MIER1: variants seen among roughly 807,000 people sequenced by gnomAD.
The protein encoded by MIER1 is mesoderm induction early response protein 1.
In MIER1, 40 loss-of-function variants were observed where a neutral mutation model predicts 75.7. The ratio of observed to expected loss-of-function variants is 0.53; its 90% CI spans 0.41 to 0.69. The LOEUF is 0.69. Among genes scored for constraint, MIER1 ranks in the 30% least tolerant of loss-of-function variants. The pLI, the probability that MIER1 is intolerant of heterozygous loss-of-function variation, is 0.00. For missense variants in MIER1, 574 were observed against 680.2 expected (o/e 0.84, Z 1.74); for synonymous variants, 213 against 223.4 (o/e 0.95, Z 0.42).
intron 4 of MIER1, among the ~76,000 whole-genome samples, chr1:66,951,688 T>G (rs1352431839): frequency 6.6e-6 from 1 of 152,176 alleles, no homozygotes; most frequent in African/African-American, 2.4e-5. Context: ...CATGCCTTTC[T>G]CTCGCCTCAG....
intron 4 of MIER1, among the ~76,000 whole-genome samples, chr1:66,956,324 G>T (rs72673719): frequency 0.039 from 5,985 of 152,230 alleles, 149 homozygotes; most frequent in Non-Finnish European, 0.054. Flanking sequence ...GGGAGGCTGA[G>T]GTGGGAGGAT....
chr1:66,960,206 T>A (rs1413044686), intron 7 of MIER1: 1 of 152,226 alleles, frequency 6.6e-6, no homozygotes, highest in Non-Finnish European at 1.5e-5. Context: ...GGCTTTGATA[T>A]TTGTTAAGTA....
chr1:66,979,763 C>CTTT (rs1223242870), intron 12 of MIER1, among the ~76,000 whole-genome samples: 14 of 138,710 alleles, frequency 1.0e-4, no homozygotes, highest in Non-Finnish European at 4.7e-5. Flanking sequence ...TTTGCCTTGG[C>CTTT]TTTTTTTTTT....
chr1:66,960,782 C>G (rs1188687623), intron 7 of MIER1, among the ~76,000 whole-genome samples: 1 of 152,170 alleles, frequency 6.6e-6, no homozygotes, highest in African/African-American at 2.4e-5. Context: ...ACAAGAATCA[C>G]AAAAGTTAAT....
intron 2 of MIER1, 121 bp downstream of exon 2, chr1:66,926,363 C>T: frequency 2.9e-6 from 2 of 684,126 alleles, no homozygotes; most frequent in Non-Finnish European, 5.1e-6. Context: ...CAAAAATTTC[C>T]AGAATTTGGG....
chr1:66,968,387 T>C (rs1371839724), intron 8 of MIER1, among the ~76,000 whole-genome samples: 1 of 152,218 alleles, frequency 6.6e-6, no homozygotes, highest in Non-Finnish European at 1.5e-5. Flanking sequence ...TGCATTCTTA[T>C]GGAAAACATT....
Position 66,986,269 on chromosome 1 carries a change from G to T in MIER1, c.*1369G>T, listed in dbSNP as rs931445106. 8.4e-6 allele frequency: 12 copies of T among 1,432,774 alleles called. No individual in the cohort carries two copies. Among genetic ancestry groups the T allele is most frequent in the Non-Finnish European group, 8.2e-6 (9 of 1,100,222 alleles). The allele number at this position is 1,432,774 out of a possible 1,614,324, so 88.8% of individuals were successfully genotyped here. A position where few individuals can be genotyped will look rare whatever the true frequency, so the allele number is the denominator to read the frequency against. ...TGATTACAGATAGGATTATCCATCT[G>T]CATAGCCTTGTAAAAGTGCCATTTT... On this transcript the variant is annotated 3_prime_UTR_variant, in exon 14 of 14. Transcript: ENST00000401041.
chr1:66,940,448 A>G (rs540686450), intron 3 of MIER1, among the ~76,000 whole-genome samples: 1 of 151,968 alleles, frequency 6.6e-6, no homozygotes, highest in African/African-American at 2.4e-5. Flanking sequence ...TTGTTAGTGC[A>G]TTACAGAGGG....
chr1:66,954,154 C>G (rs1325430652), intron 4 of MIER1, among the ~76,000 whole-genome samples: 1 of 152,150 alleles, frequency 6.6e-6, no homozygotes. Flanking sequence ...AGGTTCTGAT[C>G]ATAATACAGG....
intron 2 of MIER1, among the ~76,000 whole-genome samples, chr1:66,934,694 C>G (rs992472076): frequency 5.3e-5 from 8 of 151,630 alleles, no homozygotes; most frequent in South Asian, 2.1e-4. Flanking sequence ...TGTTCCCAGT[C>G]CTTATTTTCT....
At chr1:66,931,140 TC>T in intron 2 of MIER1, among the ~76,000 whole-genome samples, 1 of 152,106 alleles carries the variant, frequency 6.6e-6, no homozygotes, top group Non-Finnish European at 1.5e-5. Context: ...AGAAGCTTTT[TC>T]TTGTTTCTTT....
intron 2 of MIER1, among the ~76,000 whole-genome samples, chr1:66,934,363 G>A (rs1654181069): frequency 6.6e-6 from 1 of 151,016 alleles, no homozygotes; most frequent in African/African-American, 2.4e-5. Context: ...CCAGCCTTCT[G>A]TATTCCTAGA....
intron 1 of MIER1, 58 bp from the exon 2 acceptor site, chr1:66,926,084 G>C: frequency 7.5e-7 from 1 of 1,338,496 alleles, no homozygotes; most frequent in Non-Finnish European, 1.1e-6. Context: ...GGTGGATGGT[G>C]AGCTTGTATC....
At chr1:66,955,141 A>T (rs1455284164) in intron 4 of MIER1, among the ~76,000 whole-genome samples, 2 of 152,160 alleles carry the variant, frequency 1.3e-5, no homozygotes, top group Non-Finnish European at 2.9e-5. Context: ...TTTTCCATGT[A>T]GTTAGTATGT....
rs1408062401 is a variant in MIER1, at chr1:66,981,907, C to A, written c.1358C>A (p.Ala453Asp). 2.2e-5 allele frequency: 35 copies of A among 1,613,574 alleles called. No homozygotes were observed. The Admixed American group carries it at 5.7e-4, about 26-fold the overall frequency. ...AAAGAAGATGGCACTGTAAGCACTGCTAATCAAAATGGTAAGCAACCAGAG... is the reference window on the plus strand; with the variant it reads ...AAAGAAGATGGCACTGTAAGCACTGATAATCAAAATGGTAAGCAACCAGAG... The part of the protein sequence containing the change: ...SEKEDGTVST[A>D]NQNGVSSNGP... The change falls in exon 13 of 14, where the codon GCT becomes GAT. Residue 453 changes from alanine (A) to aspartate (D), a missense_variant. Ala to Asp is a moderately radical substitution (Grantham distance 126). Coordinates refer to ENST00000401041, the MANE Select transcript of MIER1 (RefSeq NM_001077700.3).
intron 8 of MIER1, among the ~76,000 whole-genome samples, chr1:66,969,545 CAAAAAAAAAAAAAA>C (rs35924256): frequency 0.021 from 1,326 of 63,740 alleles, 15 homozygotes; most frequent in Middle Eastern, 0.12. Flanking sequence ...ACTTCGTCTC[CAAAAAAAAAAAAAA>C]AAAAAAAAAA....
chr1:66,930,246 G>T, intron 2 of MIER1: 1 of 1,482,898 alleles, frequency 6.7e-7, no homozygotes, highest in South Asian at 1.3e-5. Flanking sequence ...CGCTCGGGCG[G>T]CTCCTGCGCG....
At chr1:66,947,868 A>G (rs921735448) in intron 4 of MIER1, 4 of 931,100 alleles carry the variant, frequency 4.3e-6, no homozygotes, top group East Asian at 1.2e-4. Context: ...TTCTGCTTCA[A>G]GGGTTTTCAG....
intron 4 of MIER1, chr1:66,948,294 C>A: frequency 3.5e-6 from 3 of 861,410 alleles, no homozygotes; most frequent in Non-Finnish European, 4.2e-6. Context: ...GACATAGTGC[C>A]AGTCTTTAAG....
Sources: allele counts gnomAD v4.1 joint callset (sites outside exome capture counted in the v4.1 genomes callset), GRCh38; gene constraint gnomAD v4.1.1; transcripts MANE v1.5; gene names NCBI Gene and HGNC (gene_info 2026-07-23, HGNC 2026-07-21).